NTRK2: variants seen among roughly 807,000 people sequenced by gnomAD.
NTRK2 encodes the protein neurotrophic receptor tyrosine kinase 2, also known as BDNF/NT-3 growth factors receptor.
A neutral mutation model predicts 94.5 loss-of-function variants in NTRK2; 13 were observed. The observed-to-expected ratio is 0.14, with a 90% CI of 0.09 to 0.22. The LOEUF (loss-of-function observed/expected upper bound fraction) is 0.22, where lower values mean the gene tolerates loss of function less well. Among genes scored for constraint, NTRK2 ranks in the 10% least tolerant of loss-of-function variants. The probability of loss-of-function intolerance (pLI) is 1.00; values close to 1 mark genes in which losing one functional copy is unlikely to be tolerated. For synonymous variants in NTRK2, 372 were observed against 407.4 expected, an observed-to-expected ratio of 0.91 and a Z score of 1.05; for missense variants, 639 against 1,071.2, an observed-to-expected ratio of 0.60 and a Z score of 5.63.
chr9:84,867,531 G>A, intron 14 of NTRK2, 100 bp downstream of exon 14: 1 of 1,013,662 alleles, frequency 9.9e-7, no homozygotes, highest in Non-Finnish European at 1.6e-6. Flanking sequence ...GCGGGGAACA[G>A]GGTGCAGTGA....
rs373544102 is a variant in NTRK2, at chr9:84,937,025, G to A, written c.1764+2733G>A. ...GCTGAATTGGATCAGAATAACCCAT[G>A]GACCTTTCACAGAGCTGTCACTCGC... On this transcript the variant is annotated intron_variant, in intron 15 of 18. Coordinates refer to ENST00000277120, the MANE Select transcript of NTRK2 (RefSeq NM_006180.6). Among the ~76,000 whole-genome samples the A allele has an allele frequency of 4.6e-4, 70 of 152,214 alleles. No individual in the cohort carries two copies. In the East Asian group the frequency reaches 9.1e-3, roughly 20 times the overall value.
At chr9:84,878,971 C>T (rs1049322238) in intron 14 of NTRK2, among the ~76,000 whole-genome samples, 1 of 152,152 alleles carries the variant, frequency 6.6e-6, no homozygotes, top group Non-Finnish European at 1.5e-5. Flanking sequence ...AGATGCAGTC[C>T]CCTGTCTCCC....
At chr9:84,744,042 A>T (rs141174316) in intron 10 of NTRK2, among the ~76,000 whole-genome samples, 1 of 152,214 alleles carries the variant, frequency 6.6e-6, no homozygotes. Flanking sequence ...CTGCATTAAC[A>T]AGGTAGCCTC....
chr9:84,924,097 A>G (rs1411761806), intron 14 of NTRK2, among the ~76,000 whole-genome samples: 1 of 151,988 alleles, frequency 6.6e-6, no homozygotes, highest in Non-Finnish European at 1.5e-5. Flanking sequence ...CTGTAGTCCC[A>G]GCTACTTGGG....
At chr9:84,711,681 G>A (rs1232053209) in intron 6 of NTRK2, among the ~76,000 whole-genome samples, 5 of 152,162 alleles carry the variant, frequency 3.3e-5, no homozygotes, top group South Asian at 2.1e-4. Flanking sequence ...ACAAACAACC[G>A]ATTCTTTGTT....
chr9:84,986,319 G>A (rs1828293535), intron 17 of NTRK2, among the ~76,000 whole-genome samples: 1 of 152,190 alleles, frequency 6.6e-6, no homozygotes, highest in Non-Finnish European at 1.5e-5. Context: ...GACAGGGGTT[G>A]TGAGGATGTT....
intron 2 of NTRK2, among the ~76,000 whole-genome samples, chr9:84,695,704 C>G (rs923763546): frequency 1.3e-5 from 2 of 152,194 alleles, no homozygotes; most frequent in East Asian, 3.8e-4. Flanking sequence ...GCTCAATGCC[C>G]TTTCTCCTTT....
intron 2 of NTRK2, among the ~76,000 whole-genome samples, chr9:84,697,659 A>G (rs2060468241): frequency 6.6e-6 from 1 of 152,102 alleles, no homozygotes; most frequent in African/African-American, 2.4e-5. Context: ...AGAGCAGGAG[A>G]GGCCAGGGCT....
At chr9:84,677,502 G>A (rs2059130747) in intron 2 of NTRK2, among the ~76,000 whole-genome samples, 1 of 152,112 alleles carries the variant, frequency 6.6e-6, no homozygotes, top group African/African-American at 2.4e-5. Flanking sequence ...GGACGTGAAG[G>A]GCCCTTTACA....
intron 12 of NTRK2, among the ~76,000 whole-genome samples, chr9:84,782,214 C>T (rs1291103152): frequency 1.3e-5 from 2 of 152,186 alleles, no homozygotes; most frequent in Admixed American, 1.3e-4. Flanking sequence ...CTTACCAAGC[C>T]AGGCATGTGA....
Position 84,723,660 on chromosome 9 carries a change from C to T in NTRK2, c.671C>T (p.Pro224Leu), listed in dbSNP as rs1194284331. 6.2e-7 allele frequency: 1 copy of T among 1,614,016 alleles called. No individual in the cohort carries two copies. The stretch of plus-strand genomic sequence containing the variant: ...TTATCCTGTAGTGTGGCAGGTGATC[C>T]GGTTCCTAATATGTATTGGGATGTT... ...ITLSCSVAGD[P>L]VPNMYWDVGN... Residue 224 changes from proline (P) to leucine (L), a missense_variant, in exon 7 of 19, where the codon CCG becomes CTG. By Grantham distance (98) the Pro-to-Leu change is moderately conservative. Transcript: ENST00000277120.
chr9:84,982,966 G>A (rs1827843600), intron 17 of NTRK2, among the ~76,000 whole-genome samples: 1 of 151,430 alleles, frequency 6.6e-6, no homozygotes, highest in Middle Eastern at 3.4e-3. Flanking sequence ...TTTTTCTCCT[G>A]CCTAATTTAT....
intron 17 of NTRK2, among the ~76,000 whole-genome samples, chr9:84,986,221 C>T (rs933016038): frequency 1.3e-5 from 2 of 152,170 alleles, no homozygotes; most frequent in Non-Finnish European, 2.9e-5. Flanking sequence ...GCTCCATATT[C>T]AGACTGTCTG....
rs2059632247 is a variant in NTRK2, at chr9:84,685,179, T to C, written c.212+14219T>C. Among the ~76,000 whole-genome samples, 3 of 152,194 alleles carry C rather than the reference T, an allele frequency of 2.0e-5. No individual in the cohort carries two copies. The South Asian group carries it at 6.2e-4, about 32-fold the overall frequency. Reference sequence around the variant, plus strand: ...TGTTTTATTATTTTTTTTTTCAGTATAGCCAATCAGTTTCTGGATCTTATT... The same window carrying C: ...TGTTTTATTATTTTTTTTTTCAGTACAGCCAATCAGTTTCTGGATCTTATT... On this transcript the variant is annotated intron_variant, in intron 2 of 18. Coordinates refer to ENST00000277120, the MANE Select transcript of NTRK2 (RefSeq NM_006180.6).
chr9:84,789,323 C>T (rs965096400), intron 12 of NTRK2, among the ~76,000 whole-genome samples: 5 of 152,082 alleles, frequency 3.3e-5, no homozygotes, highest in African/African-American at 4.8e-5. Flanking sequence ...CCAGAAGCCT[C>T]GGTGAGGTGT....
chr9:84,837,427 A>G (rs2073942468), intron 12 of NTRK2, among the ~76,000 whole-genome samples: 1 of 152,194 alleles, frequency 6.6e-6, no homozygotes, highest in African/African-American at 2.4e-5. Flanking sequence ...CTGTGCCTCA[A>G]TATCTTCACA....
At chr9:84,668,887 GAT>G (rs1037206399), upstream of NTRK2, 3 of 152,232 alleles carry the variant, frequency 2.0e-5, no homozygotes, top group Admixed American at 6.5e-5. Flanking sequence ...CAGGTTAAAG[GAT>G]GAGAGAAAAT....
chr9:84,751,775 AAGT>A (rs1322842476), intron 11 of NTRK2, among the ~76,000 whole-genome samples: 9 of 152,152 alleles, frequency 5.9e-5, no homozygotes, highest in Admixed American at 5.9e-4. Flanking sequence ...CTCATTTGTA[AAGT>A]AGGCATAATA....
At chr9:84,717,964 G>T in intron 6 of NTRK2, among the ~76,000 whole-genome samples, 1 of 152,018 alleles carries the variant, frequency 6.6e-6, no homozygotes. Flanking sequence ...TGTGCATTGT[G>T]AACATCCAGA....
Sources: gnomAD v4.1 joint callset for allele counts (sites outside exome capture counted in the v4.1 genomes callset) on GRCh38, gnomAD v4.1.1 for gene constraint, MANE v1.5 for transcripts, NCBI Gene and HGNC (gene_info 2026-07-23, HGNC 2026-07-21) for gene names.